Variants in PROCA1 observed in about 807,000 individuals in gnomAD.
PROCA1 encodes protein interacting with cyclin A1, also known as protein PROCA1.
A neutral mutation model predicts 23.2 loss-of-function variants in PROCA1; 22 were observed. That is an observed-to-expected ratio of 0.95 (90% CI 0.68 to 1.35). PROCA1 has a LOEUF of 1.35. Among genes scored for constraint, PROCA1 ranks in the 40% most tolerant of loss-of-function variants. The pLI, the probability that PROCA1 is intolerant of heterozygous loss-of-function variation, is 0.00. For synonymous variants in PROCA1, 182 were observed against 179.2 expected (o/e 1.02, Z -0.12); for missense variants, 469 against 459.8 (o/e 1.02, Z -0.18).
chr17:28,704,887 T>G, intron 2 of PROCA1, 44 bp from the exon 3 acceptor site: 1 of 1,588,154 alleles, frequency 6.3e-7, no homozygotes, highest in Non-Finnish European at 8.6e-7. Context: ...GCCGCAGACC[T>G]CTGGGTCTTC....
At chr17:28,710,287 A>C (rs1296653642) in intron 1 of PROCA1, among the ~76,000 whole-genome samples, 1 of 152,034 alleles carries the variant, frequency 6.6e-6, no homozygotes, top group Non-Finnish European at 1.5e-5. Flanking sequence ...TCACGAGGTC[A>C]GGAGTTCAAG....
intron 2 of PROCA1, chr17:28,705,089 TCTGTC>T (rs1296983321): frequency 2.1e-5 from 9 of 421,276 alleles, no homozygotes; most frequent in Non-Finnish European, 8.6e-6. Flanking sequence ...CCCTGTTACT[TCTGTC>T]CTCTCCCTCC....
chr17:28,703,229 G>C lies in PROCA1; in HGVS notation c.*329C>G. The C allele has an allele frequency of 3.4e-6, 1 of 292,926 alleles. No homozygotes were observed. The highest frequency in any genetic ancestry group is 6.9e-5 in the South Asian group (1 of 14,444). 18.1% of individuals were successfully genotyped at this position (292,926 alleles called of 1,614,324 possible). ...AAAAGTTCCGTTTATTGGGGGTATC[G>C]CTGCAGACAGTACTGCCTGTCCCAG... On this transcript the variant is annotated 3_prime_UTR_variant, in exon 5 of 5. Coordinates refer to ENST00000682792, the MANE Select transcript of PROCA1 (RefSeq NM_001366301.1).
chr17:28,709,230 G>C (rs747255010), intron 1 of PROCA1, among the ~76,000 whole-genome samples: 22 of 152,102 alleles, frequency 1.4e-4, no homozygotes, highest in Non-Finnish European at 1.9e-4. Flanking sequence ...TGTATGTGAA[G>C]CTCCACAGCC....
At chr17:28,705,105 A>G (rs2032403273) in intron 2 of PROCA1, 1 of 363,604 alleles carries the variant, frequency 2.8e-6, no homozygotes, top group African/African-American at 2.1e-5. Flanking sequence ...CTCTCCCTCC[A>G]GTGGGAGGCC....
At chr17:28,708,715 C>T (rs959986410) in intron 1 of PROCA1, among the ~76,000 whole-genome samples, 1 of 124,002 alleles carries the variant, frequency 8.1e-6, no homozygotes, top group Non-Finnish European at 1.7e-5. Context: ...AGCGAGACCC[C>T]GTTCTCCAGA....
At chr17:28,709,097 A>G (rs895534933) in intron 1 of PROCA1, among the ~76,000 whole-genome samples, 2 of 152,256 alleles carry the variant, frequency 1.3e-5, no homozygotes, top group Non-Finnish European at 2.9e-5. Flanking sequence ...CCAAACATAC[A>G]TTGTTAATAG....
rs752877417 is a variant in PROCA1 at position 28,704,773 on chromosome 17, G to A, written c.246C>T (p.Phe82=). ...KQCTGHIIYP[F]ASDCVRHSLH... is the part of the protein sequence containing the mutation. ...GGCTGTGGCGGACACAGTCAGAGGC[G>A]AAAGGGTAGATGATGTGCCCAGTGC... Residue 82 remains phenylalanine (F), a synonymous_variant, in exon 3 of 5, where the codon TTC becomes TTT. Transcript: ENST00000682792. 17 of 1,613,884 alleles carry A rather than the reference G, an allele frequency of 1.1e-5. No homozygotes were observed. Among genetic ancestry groups the A allele is most frequent in the Admixed American group, 3.3e-5 (2 of 59,990 alleles).
At chr17:28,711,378 C>T (rs2032773533) in intron 1 of PROCA1, 192 bp downstream of exon 1, 3 of 575,682 alleles carry the variant, frequency 5.2e-6, no homozygotes, top group Non-Finnish European at 5.8e-6. Context: ...CATTGGCCCG[C>T]GGCTCGACGC....
Position 28,703,939 on chromosome 17 carries a change from C to T in PROCA1, c.714G>A (p.Lys238=). ...CCTTGTCTTTCTCTTTTTCCTTTTT[C>T]TTCTTTACCTTCTTGATCACCTTGC... is the stretch of plus-strand genomic sequence containing the variant. ...QGSKVIKKVK[K]KKEKEKDKEE... Residue 238 remains lysine (K), a synonymous_variant, in exon 5 of 5, where the codon AAG becomes AAA. Transcript: ENST00000682792. The T allele has an allele frequency of 6.2e-7, 1 of 1,612,080 alleles. No homozygotes were observed. Among genetic ancestry groups the T allele is most frequent in the Non-Finnish European group, 8.5e-7 (1 of 1,179,176 alleles).
In PROCA1 at chr17:28,711,598, G is replaced by A. The variant is rs1462860963; in HGVS notation, c.63C>T (p.Ala21=). The change falls in exon 1 of 5, where the codon GCC becomes GCT. Residue 21 remains alanine, a synonymous_variant. Transcript: ENST00000682792. ...GGCATCTGCTCTCATCCCACGAGCG[G>A]GCCTTGGGCTCGGTCTTTTCCTTAG... ...RWTKEKTEPK[A]RSWDESRCRD... The A allele has an allele frequency of 3.1e-6, 5 of 1,611,562 alleles. No homozygotes were observed. The Admixed American group carries it at 6.7e-5, about 22-fold the overall frequency.
Position 28,711,717 on chromosome 17 carries a change from GCCTCAGCCCGGCCGAGC to G in PROCA1, c.-74_-58del. ...ACTCTTGCGTGAAGTCCAACCCTGA[GCCTCAGCCCGGCCGAGC>G]CCTCGGCCCAGCCGTGAACTCCAGT... On this transcript the variant is annotated 5_prime_UTR_variant, in exon 1 of 5. Transcript: ENST00000682792. 6.6e-7 allele frequency: 1 copy of G among 1,507,214 alleles called. No homozygotes were observed. Among genetic ancestry groups the G allele is most frequent in the Non-Finnish European group, 9.0e-7 (1 of 1,105,912 alleles). The allele number at this position is 1,507,214 out of a possible 1,614,324, so 93.4% of individuals were successfully genotyped here.
intron 1 of PROCA1, chr17:28,707,079 A>G (rs2032548174): frequency 3.2e-6 from 1 of 316,986 alleles, no homozygotes; most frequent in Non-Finnish European, 6.4e-6. Flanking sequence ...GGACTATGGA[A>G]GACTTCTTGG....
At chr17:28,707,644 G>A (rs1319391282) in intron 1 of PROCA1, among the ~76,000 whole-genome samples, 1 of 152,172 alleles carries the variant, frequency 6.6e-6, no homozygotes. Context: ...CCAGCCAGAA[G>A]TGACACCTTC....
chr17:28,711,618 C>T lies in PROCA1; in HGVS notation c.43G>A (p.Glu15Lys), dbSNP rs769738771. 6.2e-7 allele frequency: 1 copy of T among 1,612,688 alleles called. No individual in the cohort carries two copies. The highest frequency in any genetic ancestry group is 8.5e-7 in the Non-Finnish European group (1 of 1,179,560). ...TTLTIERWTK[E>K]KTEPKARSWD... Reference sequence around the variant, plus strand: ...GAGCGGGCCTTGGGCTCGGTCTTTTCCTTAGTCCATCTTTCAATTGTGAGC... The same window carrying T: ...GAGCGGGCCTTGGGCTCGGTCTTTTTCTTAGTCCATCTTTCAATTGTGAGC... The change falls in exon 1 of 5, where the codon GAA becomes AAA. Residue 15 changes from glutamate (E) to lysine (K), a missense_variant. Glu to Lys is a moderately conservative substitution (Grantham distance 56). Transcript: ENST00000682792.
At chr17:28,709,945 C>A (rs2032701877) in intron 1 of PROCA1, among the ~76,000 whole-genome samples, 1 of 151,930 alleles carries the variant, frequency 6.6e-6, no homozygotes, top group South Asian at 2.1e-4. Flanking sequence ...TGCAGTGAGC[C>A]GATATCGTGC....
chr17:28,709,502 G>A (rs547279716), intron 1 of PROCA1, among the ~76,000 whole-genome samples: 4 of 151,754 alleles, frequency 2.6e-5, no homozygotes, highest in Non-Finnish European at 5.9e-5. Context: ...TGATCCGCCC[G>A]CCTCAGCCTC....
At chr17:28,704,562 T>C in intron 3 of PROCA1, 127 bp from the exon 4 acceptor site, 1 of 1,547,868 alleles carries the variant, frequency 6.5e-7, no homozygotes, top group Non-Finnish European at 8.7e-7. Context: ...CCATTTCTCT[T>C]AGAGCAGAGC....
chr17:28,704,435 C>G lies in PROCA1; in HGVS notation c.312G>C (p.Arg104Ser), dbSNP rs780385812. The change falls in exon 4 of 5, where the codon AGG becomes AGC. Residue 104 changes from arginine (R) to serine (S), a missense_variant and splice_region_variant. Physicochemically the swap from Arg to Ser is moderately radical, Grantham distance 110 (BLOSUM62 -1). Coordinates refer to ENST00000682792, the MANE Select transcript of PROCA1 (RefSeq NM_001366301.1). ...TGCTATCCTCTGAAGAGTCCTTCAG[C>G]CTGCCACACATGGGACTCTCAGCCT... ...HSVNHCNCNS[R>S]LKDSSEDSSS... The G allele has an allele frequency of 3.7e-6, 6 of 1,610,684 alleles. No homozygotes were observed. Among genetic ancestry groups the G allele is most frequent in the Admixed American group, 1.7e-5 (1 of 59,826 alleles).
Sources: gnomAD v4.1 joint callset for allele counts (sites outside exome capture counted in the v4.1 genomes callset) on GRCh38, gnomAD v4.1.1 for gene constraint, MANE v1.5 for transcripts, NCBI Gene and HGNC (gene_info 2026-07-23, HGNC 2026-07-21) for gene names.